EPHA4: variants seen among roughly 807,000 people sequenced by gnomAD.
The protein encoded by EPHA4 is ephrin type-A receptor 4.
A neutral mutation model predicts 108.3 loss-of-function variants in EPHA4; 19 were observed. The ratio of observed to expected loss-of-function variants is 0.18; its 90% CI spans 0.12 to 0.26. The LOEUF (loss-of-function observed/expected upper bound fraction) is 0.26, where lower values mean the gene tolerates loss of function less well. Among genes scored for constraint, EPHA4 ranks in the 10% least tolerant of loss-of-function variants. The pLI is 1.00. For missense variants in EPHA4, 917 were observed against 1,254.0 expected (o/e 0.73, Z 4.06); for synonymous variants, 449 against 455.5 (o/e 0.99, Z 0.18).
At chr2:221,515,938 TAA>T (rs1454730522) in intron 3 of EPHA4, among the ~76,000 whole-genome samples, 30 of 143,600 alleles carry the variant, frequency 2.1e-4, no homozygotes, top group African/African-American at 6.4e-4. Flanking sequence ...GGATCATTTC[TAA>T]AGAGGCTCAG....
intron 3 of EPHA4, among the ~76,000 whole-genome samples, chr2:221,525,700 C>T (rs1693302000): frequency 6.6e-6 from 1 of 152,146 alleles, no homozygotes; most frequent in Admixed American, 6.5e-5. Flanking sequence ...TTGGCACCAG[C>T]ACTCAATACA....
At chr2:221,479,661 T>C (rs1691760317) in intron 5 of EPHA4, among the ~76,000 whole-genome samples, 1 of 152,212 alleles carries the variant, frequency 6.6e-6, no homozygotes, top group African/African-American at 2.4e-5. Context: ...TTGGCCTACA[T>C]TATTAATTTG....
At chr2:221,569,965 C>T (rs995960879) in intron 1 of EPHA4, among the ~76,000 whole-genome samples, 10 of 152,062 alleles carry the variant, frequency 6.6e-5, no homozygotes, top group Admixed American at 6.5e-4. Context: ...GGGTCGCTCC[C>T]GCCTGGAGTT....
chr2:221,516,727 A>C (rs1296831234), intron 3 of EPHA4, among the ~76,000 whole-genome samples: 1 of 151,364 alleles, frequency 6.6e-6, no homozygotes, highest in Non-Finnish European at 1.5e-5. Context: ...TTCAAATGCC[A>C]TTGAGCACAT....
chr2:221,548,829 C>G (rs1694080311), intron 3 of EPHA4, among the ~76,000 whole-genome samples: 1 of 151,976 alleles, frequency 6.6e-6, no homozygotes, highest in Non-Finnish European at 1.5e-5. Flanking sequence ...TCTTAGTAAC[C>G]TCATAGTCTA....
At chr2:221,504,022 T>C (rs746541126) in intron 3 of EPHA4, among the ~76,000 whole-genome samples, 29 of 152,242 alleles carry the variant, frequency 1.9e-4, no homozygotes, top group Non-Finnish European at 2.9e-4. Context: ...CTATCTCTTT[T>C]ATTCTAAACA....
Position 221,571,424 on chromosome 2 carries a change from G to A in EPHA4, c.91+734C>T, listed in dbSNP as rs945319656. On this transcript the variant is annotated intron_variant, in intron 1 of 17. Transcript: ENST00000281821. The surrounding 1 kb of genome is among the most constrained non-coding windows in gnomAD (Gnocchi z 6.3). ...ACTGAGCACCCAGACGGGTCCCGTC[G>A]ACCCCGCACGTTAGCTCTAAACTGT... 1.3e-5 allele frequency among the ~76,000 whole-genome samples: 2 copies of A among 150,992 alleles called. No homozygotes were observed. Among genetic ancestry groups the A allele is most frequent in the African/African-American group, 2.4e-5 (1 of 41,070 alleles).
At chr2:221,570,738 G>A (rs571805015) in intron 1 of EPHA4, among the ~76,000 whole-genome samples, 18 of 152,288 alleles carry the variant, frequency 1.2e-4, no homozygotes, top group African/African-American at 3.6e-4. Context: ...CTGGAGAGAT[G>A]GAAAGATGAA....
intron 14 of EPHA4, among the ~76,000 whole-genome samples, chr2:221,432,326 T>G (rs1690102935): frequency 6.6e-6 from 1 of 152,174 alleles, no homozygotes; most frequent in Non-Finnish European, 1.5e-5. Flanking sequence ...TACTATTTGC[T>G]CATTTAGGTT....
chr2:221,430,205 G>A, intron 14 of EPHA4, 54 bp from the exon 15 acceptor site: 6 of 1,528,250 alleles, frequency 3.9e-6, no homozygotes, highest in Non-Finnish European at 5.3e-6. Flanking sequence ...TGCTGTTCAA[G>A]GTTCACCCTT....
chr2:221,510,401 T>C (rs1273660410), intron 3 of EPHA4, among the ~76,000 whole-genome samples: 1 of 152,230 alleles, frequency 6.6e-6, no homozygotes, highest in African/African-American at 2.4e-5. Context: ...ACCAATAGTT[T>C]CTAATTCAGA....
At chr2:221,431,728 A>C (rs1286603281) in intron 14 of EPHA4, among the ~76,000 whole-genome samples, 1 of 152,192 alleles carries the variant, frequency 6.6e-6, no homozygotes, top group Non-Finnish European at 1.5e-5. Context: ...AGCGGAACAT[A>C]AATTGTTATA....
intron 4 of EPHA4, among the ~76,000 whole-genome samples, chr2:221,499,752 ATATATTT>A (rs1400437311): frequency 5.3e-4 from 22 of 41,318 alleles, no homozygotes; most frequent in African/African-American, 1.8e-3. Context: ...ATATATATAT[ATATATTT>A]TTTTTTTTTT....
chr2:221,495,457 T>C (rs1292176190), intron 4 of EPHA4, among the ~76,000 whole-genome samples: 1 of 152,218 alleles, frequency 6.6e-6, no homozygotes, highest in Non-Finnish European at 1.5e-5. Context: ...CTAACCTCGC[T>C]CCTCCTAATC....
chr2:221,554,924 T>C (rs1037480446), intron 3 of EPHA4, among the ~76,000 whole-genome samples: 2 of 152,200 alleles, frequency 1.3e-5, no homozygotes, highest in Admixed American at 6.5e-5. Flanking sequence ...TCTTTTACTT[T>C]ACAATTTTTT....
At chr2:221,513,204 T>G (rs1265131220) in intron 3 of EPHA4, among the ~76,000 whole-genome samples, 2 of 152,120 alleles carry the variant, frequency 1.3e-5, no homozygotes, top group Non-Finnish European at 2.9e-5. Flanking sequence ...GAGAGCACAG[T>G]CCAATAGGAG....
At chr2:221,498,966 T>C (rs967136851) in intron 4 of EPHA4, among the ~76,000 whole-genome samples, 1 of 151,678 alleles carries the variant, frequency 6.6e-6, no homozygotes, top group Non-Finnish European at 1.5e-5. Flanking sequence ...AATTTTTGTA[T>C]TTTTAGTGGA....
chr2:221,422,500 T>C (rs973481640), intron 17 of EPHA4, among the ~76,000 whole-genome samples: 2 of 152,174 alleles, frequency 1.3e-5, no homozygotes, highest in African/African-American at 4.8e-5. Flanking sequence ...ATAAATATAT[T>C]TGTAATATTA....
At chr2:221,454,164 G>C (rs1690870841) in intron 8 of EPHA4, among the ~76,000 whole-genome samples, 1 of 152,140 alleles carries the variant, frequency 6.6e-6, no homozygotes, top group Admixed American at 6.5e-5. Context: ...CTGGGCGACA[G>C]AGCAAGACTC....
Sources: allele counts gnomAD v4.1 joint callset (sites outside exome capture counted in the v4.1 genomes callset), GRCh38; gene constraint gnomAD v4.1.1; non-coding constraint Gnocchi (gnomAD v3.1); transcripts MANE v1.5; gene names NCBI Gene and HGNC (gene_info 2026-07-23, HGNC 2026-07-21).